SLC35F4: variants seen among roughly 807,000 people sequenced by gnomAD.
SLC35F4 encodes the protein solute carrier family 35 member F4.
In SLC35F4, 24 loss-of-function variants were observed where a neutral mutation model predicts 44.2. The observed-to-expected ratio is 0.54, with a 90% CI of 0.39 to 0.76. The LOEUF is 0.76. Ranked by LOEUF, SLC35F4 falls within the 30% of genes least tolerant of loss-of-function variation. The probability of loss-of-function intolerance (pLI) is 0.00; values close to 1 mark genes in which losing one functional copy is unlikely to be tolerated. For missense variants in SLC35F4, 562 were observed against 586.1 expected, an observed-to-expected ratio of 0.96 and a Z score of 0.42; for synonymous variants, 238 against 223.6, an observed-to-expected ratio of 1.06 and a Z score of -0.57.
intron 1 of SLC35F4, among the ~76,000 whole-genome samples, chr14:57,847,984 C>T (rs1227255207): frequency 2.0e-5 from 3 of 151,992 alleles, no homozygotes; most frequent in African/African-American, 7.2e-5. Flanking sequence ...ATTTTAAAGG[C>T]ATAAATCCAT....
chr14:57,835,147 G>A (rs978370330), intron 1 of SLC35F4, among the ~76,000 whole-genome samples: 1 of 152,208 alleles, frequency 6.6e-6, no homozygotes, highest in Non-Finnish European at 1.5e-5. Flanking sequence ...GTTATTCACT[G>A]TGCCCATGGG....
At chr14:57,643,671 G>T (rs558720597) in intron 1 of SLC35F4, among the ~76,000 whole-genome samples, 17 of 152,126 alleles carry the variant, frequency 1.1e-4, no homozygotes, top group Middle Eastern at 3.4e-3. Flanking sequence ...CAACGTGCAG[G>T]TTTGTTACTT....
chr14:57,804,601 C>T (rs1881076219), intron 1 of SLC35F4, among the ~76,000 whole-genome samples: 2 of 152,160 alleles, frequency 1.3e-5, no homozygotes, highest in African/African-American at 4.8e-5. Context: ...TTTCCTTACA[C>T]CTTATATAAA....
chr14:57,598,578 G>C (rs2070628408), intron 1 of SLC35F4, among the ~76,000 whole-genome samples: 1 of 152,296 alleles, frequency 6.6e-6, no homozygotes, highest in Admixed American at 6.5e-5. Context: ...GAAAGCACTG[G>C]GGGTAAAAAG....
At chr14:57,682,543 C>T (rs771996362) in intron 1 of SLC35F4, among the ~76,000 whole-genome samples, 74 of 151,574 alleles carry the variant, frequency 4.9e-4, no homozygotes, top group African/African-American at 1.6e-3. Context: ...ATGTAGATGA[C>T]GGATTGATGG....
intron 1 of SLC35F4, among the ~76,000 whole-genome samples, chr14:57,803,017 G>T (rs1373108539): frequency 6.8e-6 from 1 of 147,610 alleles, no homozygotes; most frequent in African/African-American, 2.5e-5. Context: ...GAAATTGCAG[G>T]CCAATATCCT....
intron 1 of SLC35F4, among the ~76,000 whole-genome samples, chr14:57,824,062 C>G (rs1184302804): frequency 1.3e-5 from 2 of 152,022 alleles, no homozygotes; most frequent in Non-Finnish European, 2.9e-5. Flanking sequence ...TTGATGGAAC[C>G]TGAAGGACCA....
intron 1 of SLC35F4, among the ~76,000 whole-genome samples, chr14:57,847,340 T>C (rs577875547): frequency 2.2e-4 from 34 of 152,276 alleles, no homozygotes; most frequent in African/African-American, 7.9e-4. Flanking sequence ...ATGTTTCTAA[T>C]AAGCAGCAAC....
At chr14:57,640,182 G>A (rs573786096) in intron 1 of SLC35F4, among the ~76,000 whole-genome samples, 12 of 151,956 alleles carry the variant, frequency 7.9e-5, no homozygotes, top group Non-Finnish European at 1.8e-4. Flanking sequence ...GTAATGTGCT[G>A]TAAATGTTCC....
chr14:57,683,620 C>T (rs868254041), intron 1 of SLC35F4, among the ~76,000 whole-genome samples: 13 of 152,182 alleles, frequency 8.5e-5, no homozygotes, highest in African/African-American at 3.1e-4. Context: ...AATGCCTGGA[C>T]ATTTTTAAAG....
chr14:57,852,821 G>GTT (rs144340910), intron 1 of SLC35F4, among the ~76,000 whole-genome samples: 22,409 of 152,128 alleles, frequency 0.15, 1,841 homozygotes, highest in Middle Eastern at 0.21. Context: ...ATGACTTGGA[G>GTT]TTTAGTAAGA....
At chr14:57,669,045 C>T (rs1442312309) in intron 1 of SLC35F4, among the ~76,000 whole-genome samples, 4 of 152,072 alleles carry the variant, frequency 2.6e-5, no homozygotes, top group Non-Finnish European at 2.9e-5. Flanking sequence ...AGGGCCTTTA[C>T]ATCCCCTGTA....
intron 1 of SLC35F4, among the ~76,000 whole-genome samples, chr14:57,645,941 G>A (rs1021855368): frequency 1.3e-5 from 2 of 152,142 alleles, no homozygotes; most frequent in South Asian, 4.1e-4. Context: ...ATTTGTGTCT[G>A]TTGAACCAGC....
chr14:57,764,351 A>G (rs559938068), intron 1 of SLC35F4, among the ~76,000 whole-genome samples: 3 of 152,194 alleles, frequency 2.0e-5, no homozygotes, highest in Non-Finnish European at 2.9e-5. Flanking sequence ...TCTATCTGTA[A>G]GTTGATCTAC....
rs564028662 is a variant in SLC35F4, at chr14:57,576,485, T to TATC, written c.808-4469_808-4467dup. 7.3e-4 allele frequency among the ~76,000 whole-genome samples: 111 copies of TATC among 152,328 alleles called. 1 individual carries two copies. Among genetic ancestry groups the TATC allele is most frequent in the African/African-American group, 2.6e-3 (108 of 41,574 alleles). On this transcript the variant is annotated intron_variant, in intron 4 of 7. Coordinates refer to ENST00000556826, the MANE Select transcript of SLC35F4 (RefSeq NM_001306087.2). ...GACGAATGAGAAACATGCTAATGAT[T>TATC]ATCTCTCTGGGTAAATTTAGATACA...
At chr14:57,585,939 T>C (rs1042740378) in intron 3 of SLC35F4, among the ~76,000 whole-genome samples, 1 of 152,238 alleles carries the variant, frequency 6.6e-6, no homozygotes, top group African/African-American at 2.4e-5. Context: ...CCCATCAAGC[T>C]ATCATTGACT....
intron 1 of SLC35F4, among the ~76,000 whole-genome samples, chr14:57,795,336 G>A (rs573276365): frequency 6.6e-6 from 1 of 152,174 alleles, no homozygotes; most frequent in South Asian, 2.1e-4. Context: ...TTTCTCCCTG[G>A]TAGTCTAGAA....
chr14:57,618,822 G>C (rs553223945), intron 1 of SLC35F4, among the ~76,000 whole-genome samples: 1 of 152,184 alleles, frequency 6.6e-6, no homozygotes, highest in Non-Finnish European at 1.5e-5. Flanking sequence ...ACAGCAGTCT[G>C]AGGTGGACCT....
intron 5 of SLC35F4, among the ~76,000 whole-genome samples, chr14:57,570,517 T>G (rs1362019068): frequency 6.6e-6 from 1 of 152,180 alleles, no homozygotes; most frequent in African/African-American, 2.4e-5. Context: ...TAAAAAGCAG[T>G]TTTTATATAT....
Sources: gnomAD v4.1 joint callset for allele counts (sites outside exome capture counted in the v4.1 genomes callset) on GRCh38, gnomAD v4.1.1 for gene constraint, MANE v1.5 for transcripts, NCBI Gene and HGNC (gene_info 2026-07-23, HGNC 2026-07-21) for gene names.